NDST2: variants seen among roughly 807,000 people sequenced by gnomAD.
NDST2 encodes the protein bifunctional heparan sulfate N-deacetylase/N-sulfotransferase 2.
A neutral mutation model predicts 86.9 loss-of-function variants in NDST2; 32 were observed. That is an observed-to-expected ratio of 0.37 (90% confidence interval 0.28 to 0.49). NDST2 has a LOEUF of 0.49. Among genes scored for constraint, NDST2 ranks in the 20% least tolerant of loss-of-function variants. The pLI is 0.97. For missense variants in NDST2, 950 were observed against 1,146.9 expected, an observed-to-expected ratio of 0.83 and a Z score of 2.48; for synonymous variants, 409 against 437.0, an observed-to-expected ratio of 0.94 and a Z score of 0.80.
rs780083226 is a variant in NDST2 at position 73,805,753 on chromosome 10, G to A, written c.1580C>T (p.Thr527Ile). Residue 527 changes from threonine to isoleucine, a missense_variant, in exon 8 of 15, where the codon ACC becomes ATC. By Grantham distance (89) the Thr-to-Ile change is moderately conservative. Coordinates refer to ENST00000309979, the MANE Select transcript of NDST2 (RefSeq NM_003635.4). Reference sequence around the variant, plus strand: ...GTCATTTCCATAATTGGACAGATGGGTCATAAAGATGCTGATCTGTAAGGG... The same window carrying A: ...GTCATTTCCATAATTGGACAGATGGATCATAAAGATGCTGATCTGTAAGGG... ...VLLNPISIFM[T>I]HLSNYGNDRL... 1 of 1,614,216 alleles carries A rather than the reference G, an allele frequency of 6.2e-7. No individual in the cohort carries two copies. Among genetic ancestry groups the A allele is most frequent in the Non-Finnish European group, 8.5e-7 (1 of 1,180,042 alleles).
chr10:73,802,722 G>T lies in NDST2; in HGVS notation c.2478C>A (p.Arg826=), dbSNP rs191549689. The part of the protein sequence containing the change: ...WCQGLEGGKT[R]CLGRSKGRRY... ...TCCGGCCTTTGCTCCGGCCTAGACA[G>T]CGAGTCTTACCACCTTCAAGTCCCT... The change falls in exon 14 of 15, where the codon CGC becomes CGA. Residue 826 remains arginine, a synonymous_variant. Coordinates refer to ENST00000309979, the MANE Select transcript of NDST2 (RefSeq NM_003635.4). 1 of 1,614,166 alleles carries T rather than the reference G, an allele frequency of 6.2e-7. No homozygotes were observed. The highest frequency in any genetic ancestry group is 1.3e-5 in the African/African-American group (1 of 75,032).
chr10:73,806,966 A>T lies in NDST2; in HGVS notation c.1093+142T>A. ...GCCATCCAGCCACCCATGCGAACCT[A>T]AATTCATGCCCACCACTAGCTCCTC... On this transcript the variant is annotated intron_variant, in intron 4 of 14. Transcript: ENST00000309979. This position sits in a 1 kb window ranked among gnomAD's most constrained non-coding sequence, Gnocchi z 4.5. The T allele has an allele frequency of 7.0e-7, 1 of 1,435,260 alleles. No individual in the cohort carries two copies. Among genetic ancestry groups the T allele is most frequent in the South Asian group, 1.2e-5 (1 of 81,164 alleles). The allele number at this position is 1,435,260 out of a possible 1,614,324, so 88.9% of individuals were successfully genotyped here. A position where few individuals can be genotyped will look rare whatever the true frequency, so the allele number is the denominator to read the frequency against.
chr10:73,808,625 C>G lies in NDST2; in HGVS notation c.-237G>C, dbSNP rs1020071094. On this transcript the variant is annotated 5_prime_UTR_variant, in exon 3 of 15. Coordinates refer to ENST00000309979, the MANE Select transcript of NDST2 (RefSeq NM_003635.4). The surrounding 1 kb of genome is among the most constrained non-coding windows in gnomAD (Gnocchi z 4.3). The stretch of plus-strand genomic sequence containing the variant: ...CCACTTGTCTCAGGTCACCATGGCC[C>G]CCTGGCCCATGGCTTCAGGCTGCAA... 4 of 474,174 alleles carry G rather than the reference C, an allele frequency of 8.4e-6. No homozygotes were observed. The highest frequency in any genetic ancestry group is 7.7e-5 in the African/African-American group (4 of 52,146). 29.4% of individuals were successfully genotyped at this position (474,174 alleles called of 1,614,324 possible). A position where few individuals can be genotyped will look rare whatever the true frequency, so the allele number is the denominator to read the frequency against.
chr10:73,809,412 T>G (rs1243691110), intron 2 of NDST2, among the ~76,000 whole-genome samples: 1 of 152,174 alleles, frequency 6.6e-6, no homozygotes, highest in Non-Finnish European at 1.5e-5. Context: ...TCACCTCAAC[T>G]TTGCCAGTCA....
At position 73,806,054 on chromosome 10, in the gene NDST2, A is replaced by C; in HGVS notation, c.1435-26T>G. 2 of 1,610,960 alleles carry C rather than the reference A, an allele frequency of 1.2e-6. No individual in the cohort carries two copies. Among genetic ancestry groups the C allele is most frequent in the Non-Finnish European group, 1.7e-6 (2 of 1,178,756 alleles). On this transcript the variant is annotated intron_variant, in intron 6 of 14. Transcript: ENST00000309979. This position sits in a 1 kb window ranked among gnomAD's most constrained non-coding sequence, Gnocchi z 4.5. ...CTGGAGGGAAAAGAAAAAACAGATG[A>C]GATTTGAAAGATAGAATGAGAAGTA...
intron 14 of NDST2, 34 bp downstream of exon 14, chr10:73,802,640 G>A: frequency 6.2e-7 from 1 of 1,614,026 alleles, no homozygotes; most frequent in South Asian, 1.1e-5. Context: ...TCCTGGAAGT[G>A]GAGAGGGATT....
chr10:73,806,747 G>GA lies in NDST2; in HGVS notation c.1157dup (p.His388ProfsTer19), dbSNP rs1565098514. ...GCTGCATGTGGCTCCACATGTGGGGGAACCACCAGAACTCTTTGCGGTGCT... is the reference window on the plus strand; with the variant it reads ...GCTGCATGTGGCTCCACATGTGGGGGAAACCACCAGAACTCTTTGCGGTGCT... On this transcript the variant is annotated frameshift_variant, in exon 5 of 15. Transcript: ENST00000309979. LOFTEE classifies it high-confidence loss of function. The surrounding 1 kb of genome is among the most constrained non-coding windows in gnomAD (Gnocchi z 4.5). 6.2e-7 allele frequency: 1 copy of GA among 1,614,086 alleles called. No individual in the cohort carries two copies. Among genetic ancestry groups the GA allele is most frequent in the South Asian group, 1.1e-5 (1 of 91,072 alleles).
chr10:73,807,127 C>T lies in NDST2; in HGVS notation c.1074G>A (p.Ser358=), dbSNP rs771004267. 8.1e-6 allele frequency: 13 copies of T among 1,613,550 alleles called. No individual in the cohort carries two copies. Among genetic ancestry groups the T allele is most frequent in the East Asian group, 2.2e-5 (1 of 44,866 alleles). ...GCTCACCAGTATGATAGAACTTGCCCGAGAAGCCCAAGTTGAAGGTGAAGT... is the reference window on the plus strand; with the variant it reads ...GCTCACCAGTATGATAGAACTTGCCTGAGAAGCCCAAGTTGAAGGTGAAGT... The part of the protein sequence containing the change: ...VPNFTFNLGF[S]GKFYHTGTEE... Residue 358 remains serine (S), a synonymous_variant, in exon 4 of 15, where the codon TCG becomes TCA. Transcript: ENST00000309979.
rs1440793020 is a variant in NDST2 at position 73,810,833 on chromosome 10, G to C, written c.-376C>G. The C allele has an allele frequency of 1.3e-5, 5 of 399,048 alleles. No homozygotes were observed. Among genetic ancestry groups the C allele is most frequent in the Non-Finnish European group, 1.8e-5 (4 of 226,120 alleles). 24.7% of individuals were successfully genotyped at this position (399,048 alleles called of 1,614,324 possible). On this transcript the variant is annotated 5_prime_UTR_variant, in exon 2 of 15. Coordinates refer to ENST00000309979, the MANE Select transcript of NDST2 (RefSeq NM_003635.4). ...GATCACACAGCTCAGTTGGTGGGAG[G>C]GCTGGGATTCGACGTCAGGCCTGTC...
At position 73,808,724 on chromosome 10, in the gene NDST2, C is replaced by G. The variant is rs2084150396; in HGVS notation, c.-336G>C. 3.8e-6 allele frequency: 1 copy of G among 260,882 alleles called. No homozygotes were observed. The highest frequency in any genetic ancestry group is 7.4e-6 in the Non-Finnish European group (1 of 135,762). The allele number at this position is 260,882 out of a possible 1,614,324, so 16.2% of individuals were successfully genotyped here. The stretch of plus-strand genomic sequence containing the variant: ...GGTCAGCAAAGTTCAATCTCTTCCC[C>G]TCTACCTGTAAGACAGAGAAATCAG... On this transcript the variant is annotated 5_prime_UTR_variant, in exon 3 of 15. Coordinates refer to ENST00000309979, the MANE Select transcript of NDST2 (RefSeq NM_003635.4). This position sits in a 1 kb window ranked among gnomAD's most constrained non-coding sequence, Gnocchi z 4.3.
rs748459551 is a variant in NDST2 at position 73,807,540 on chromosome 10, G to T, written c.849C>A (p.Gly283=). The stretch of plus-strand genomic sequence containing the variant: ...TAAGTTTGTGGAGCCAGAAGGAAAG[G>T]CCATGTCCAAAGAGCACCCGCTGGA... ...DGIQRVLFGH[G]LSFWLHKLIF... The change falls in exon 3 of 15, where the codon GGC becomes GGA. Residue 283 remains glycine, a synonymous_variant. Transcript: ENST00000309979. 3 of 1,614,076 alleles carry T rather than the reference G, an allele frequency of 1.9e-6. No individual in the cohort carries two copies. In the African/African-American group the frequency reaches 4.0e-5, roughly 22 times the overall value.
At chr10:73,810,467 T>A (rs528548540) in intron 2 of NDST2, among the ~76,000 whole-genome samples, 1,535 of 150,702 alleles carry the variant, frequency 0.01, 22 homozygotes, top group African/African-American at 0.034. Context: ...CAAAAAAAAA[T>A]AAAAATAAAA....
rs1466501723 is a variant in NDST2 at position 73,807,431 on chromosome 10, T to C, written c.958A>G (p.Ile320Val). Residue 320 changes from isoleucine to valine, a missense_variant, in exon 3 of 15, where the codon ATC (isoleucine) becomes GTC (valine). Coordinates refer to ENST00000309979, the MANE Select transcript of NDST2 (RefSeq NM_003635.4). ...DRYILVDIDD[I>V]FVGKEGTRMK... ...CGGGTCCCTTCCTTGCCCACAAAGA[T>C]GTCATCGATGTCTACCAAGATGTAG... The C allele has an allele frequency of 6.2e-7, 1 of 1,614,124 alleles. No homozygotes were observed. The highest frequency in any genetic ancestry group is 8.5e-7 in the Non-Finnish European group (1 of 1,180,024).
chr10:73,807,532 A>G lies in NDST2; in HGVS notation c.857T>C (p.Phe286Ser). The change falls in exon 3 of 15, where the codon TTC becomes TCC. Residue 286 changes from phenylalanine to serine, a missense_variant. By Grantham distance (155) the Phe-to-Ser change is radical. Coordinates refer to ENST00000309979, the MANE Select transcript of NDST2 (RefSeq NM_003635.4). ...QRVLFGHGLS[F>S]WLHKLIFVDA... Reference sequence around the variant, plus strand: ...AACGAAGATAAGTTTGTGGAGCCAGAAGGAAAGGCCATGTCCAAAGAGCAC... The same window carrying G: ...AACGAAGATAAGTTTGTGGAGCCAGGAGGAAAGGCCATGTCCAAAGAGCAC... The G allele has an allele frequency of 2.5e-6, 4 of 1,614,206 alleles. No individual in the cohort carries two copies. The highest frequency in any genetic ancestry group is 3.4e-6 in the Non-Finnish European group (4 of 1,180,028).
chr10:73,803,423 G>C, intron 11 of NDST2, 64 bp from the exon 12 acceptor site: 1 of 1,592,634 alleles, frequency 6.3e-7, no homozygotes, highest in East Asian at 2.2e-5. Flanking sequence ...CCTTACGCTT[G>C]GTCTGGAGAC....
chr10:73,808,367 C>T lies in NDST2; in HGVS notation c.22G>A (p.Val8Ile). 6.3e-7 allele frequency: 1 copy of T among 1,595,778 alleles called. No individual in the cohort carries two copies. The highest frequency in any genetic ancestry group is 1.7e-5 in the Admixed American group (1 of 57,666). The change falls in exon 3 of 15, where the codon GTA becomes ATA. Residue 8 changes from valine (V) to isoleucine (I), a missense_variant. Val to Ile is a conservative substitution (Grantham distance 29). Around this residue, in one of 5 missense-constraint regions of NDST2, gnomAD observed 38 missense variants for 42.5 expected, o/e 0.89. Coordinates refer to ENST00000309979, the MANE Select transcript of NDST2 (RefSeq NM_003635.4). The surrounding 1 kb of genome is among the most constrained non-coding windows in gnomAD (Gnocchi z 4.3). ...AGTTCCAGCTGCCGAGCTGGGCGTACCACCTTCCACAACTGGAGCATGGCG... is the reference window on the plus strand; with the variant it reads ...AGTTCCAGCTGCCGAGCTGGGCGTATCACCTTCCACAACTGGAGCATGGCG... MLQLWKV[V>I]RPARQLELHR...
chr10:73,811,265 G>A (rs1228248720), intron 1 of NDST2, among the ~76,000 whole-genome samples: 1 of 152,174 alleles, frequency 6.6e-6, no homozygotes, highest in Non-Finnish European at 1.5e-5. Context: ...TCTGGGCTGG[G>A]AGAGCCCTGC....
Position 73,804,843 on chromosome 10 carries a change from TTTGTGCCTC to T in NDST2, c.1764_1772del (p.Arg589_Lys591del). 6.2e-7 allele frequency: 1 copy of T among 1,612,126 alleles called. No individual in the cohort carries two copies. Among genetic ancestry groups the T allele is most frequent in the Non-Finnish European group, 8.5e-7 (1 of 1,178,934 alleles). On this transcript the variant is annotated inframe_deletion, in exon 9 of 15. Coordinates refer to ENST00000309979, the MANE Select transcript of NDST2 (RefSeq NM_003635.4). ...AGGTTTTCTCCTTGGACCAGATATC[TTTGTGCCTC>T]TTGTCATCACAGGGATTCTGAAGCC...
Position 73,802,977 on chromosome 10 carries a change from G to C in NDST2, c.2418C>G (p.Thr806=). 1 of 1,614,060 alleles carries C rather than the reference G, an allele frequency of 6.2e-7. No homozygotes were observed. The highest frequency in any genetic ancestry group is 1.1e-5 in the South Asian group (1 of 91,080). ...CCTGGGTCATGCTCTCCCACCTGAG[G>C]GTCCGTGTGTAGTTCAGAAAGGGTG... ...GITPFLNYTR[T]LRFDDDKGFW... is the part of the protein sequence containing the mutation. The change falls in exon 13 of 15, where the codon ACC becomes ACG. Residue 806 remains threonine, a synonymous_variant. Coordinates refer to ENST00000309979, the MANE Select transcript of NDST2 (RefSeq NM_003635.4).
Sources: gnomAD v4.1 joint callset for allele counts (sites outside exome capture counted in the v4.1 genomes callset) on GRCh38, gnomAD v4.1.1 for gene constraint, gnomAD v4.1.1 regional missense constraint, Gnocchi (gnomAD v3.1) non-coding constraint, MANE v1.5 for transcripts, NCBI Gene and HGNC (gene_info 2026-07-23, HGNC 2026-07-21) for gene names.